The following TSPAN12 variants were observed in gnomAD, a reference collection of about 807,000 sequenced individuals.
TSPAN12 encodes the protein tetraspanin-12.
A neutral mutation model predicts 39.2 loss-of-function variants in TSPAN12; 19 were observed. The ratio of observed to expected loss-of-function variants is 0.49; its 90% confidence interval spans 0.34 to 0.71. TSPAN12 has a LOEUF of 0.71. TSPAN12 is among the 30% of genes least tolerant of loss of function. TSPAN12 has a pLI of 0.01. For missense variants in TSPAN12, 314 were observed against 359.9 expected, an observed-to-expected ratio of 0.87 and a Z score of 1.03; for synonymous variants, 119 against 124.8, an observed-to-expected ratio of 0.95 and a Z score of 0.31.
intron 4 of TSPAN12, among the ~76,000 whole-genome samples, chr7:120,833,897 C>T (rs770929840): frequency 6.6e-6 from 1 of 152,092 alleles, no homozygotes; most frequent in African/African-American, 2.4e-5. Context: ...GGGAAGTAAC[C>T]ATCTAAGGCT....
intron 3 of TSPAN12, 66 bp downstream of exon 3, chr7:120,839,961 A>C: frequency 7.3e-7 from 1 of 1,363,598 alleles, no homozygotes; most frequent in Non-Finnish European, 1.0e-6. Flanking sequence ...CTACCATATA[A>C]ATAGCTGAGG....
intron 2 of TSPAN12, among the ~76,000 whole-genome samples, chr7:120,844,622 C>T (rs1018064219): frequency 6.6e-6 from 1 of 152,234 alleles, no homozygotes; most frequent in Non-Finnish European, 1.5e-5. Context: ...AAATAATCTC[C>T]TTTAACGCCA....
At chr7:120,817,171 C>T (rs114307052) in intron 4 of TSPAN12, among the ~76,000 whole-genome samples, 4,238 of 151,490 alleles carry the variant, frequency 0.028, 190 homozygotes, top group African/African-American at 0.098. Context: ...TCCAGGAATT[C>T]GAGACCAGCC....
In TSPAN12 at chr7:120,790,266, A is replaced by G. The variant is rs1793496713; in HGVS notation, c.613-1369T>C. Among the ~76,000 whole-genome samples, 3 of 152,216 alleles carry G rather than the reference A, an allele frequency of 2.0e-5. No homozygotes were observed. In the South Asian group the frequency reaches 6.2e-4, roughly 32 times the overall value. On this transcript the variant is annotated intron_variant, in intron 7 of 7. Coordinates refer to ENST00000222747, the MANE Select transcript of TSPAN12 (RefSeq NM_012338.4). ...AACGATGCCACTTCAACGGTATAGT[A>G]TAATGGTTAAGATCATGAACTGCTA...
intron 1 of TSPAN12, among the ~76,000 whole-genome samples, chr7:120,857,536 C>G (rs1368874041): frequency 1.3e-5 from 2 of 151,886 alleles, no homozygotes; most frequent in East Asian, 3.9e-4. Flanking sequence ...GAATTAGGGC[C>G]GATGCAGCTG....
intron 7 of TSPAN12, among the ~76,000 whole-genome samples, chr7:120,804,249 A>G (rs184372080): frequency 3.0e-4 from 45 of 152,292 alleles, no homozygotes; most frequent in South Asian, 6.2e-4. Context: ...AGTAAGTTAT[A>G]GTATATTTGA....
intron 7 of TSPAN12, among the ~76,000 whole-genome samples, chr7:120,792,204 G>A (rs1383449884): frequency 2.0e-5 from 3 of 152,182 alleles, no homozygotes; most frequent in South Asian, 2.1e-4. Context: ...GCCACCAGAG[G>A]GCGCAGAATG....
intron 2 of TSPAN12, among the ~76,000 whole-genome samples, chr7:120,841,956 C>G (rs1384052317): frequency 6.6e-6 from 1 of 152,152 alleles, no homozygotes; most frequent in East Asian, 1.9e-4. Context: ...CCCCTAAGTT[C>G]TGAATGTCTT....
chr7:120,801,009 C>T (rs1793759120), intron 7 of TSPAN12, among the ~76,000 whole-genome samples: 3 of 152,088 alleles, frequency 2.0e-5, no homozygotes, highest in Non-Finnish European at 4.4e-5. Flanking sequence ...TGGTCTAGAA[C>T]TCCTGACCAC....
At chr7:120,856,589 T>C in intron 2 of TSPAN12, 109 bp downstream of exon 2, 1 of 1,101,470 alleles carries the variant, frequency 9.1e-7, no homozygotes, top group Non-Finnish European at 1.4e-6. Context: ...AAGGGTGTTA[T>C]CCCATGTAAT....
chr7:120,811,411 G>A (rs1376729082), intron 5 of TSPAN12, among the ~76,000 whole-genome samples: 2 of 152,160 alleles, frequency 1.3e-5, no homozygotes, highest in Non-Finnish European at 1.5e-5. Context: ...GCTCACACCT[G>A]TAATCCCAGC....
intron 7 of TSPAN12, among the ~76,000 whole-genome samples, chr7:120,800,061 T>G (rs979045065): frequency 4.6e-5 from 7 of 151,680 alleles, no homozygotes; most frequent in Non-Finnish European, 1.0e-4. Flanking sequence ...TAACAAAAAG[T>G]GTTGAGAACT....
chr7:120,829,388 A>AC (rs1414877469), intron 4 of TSPAN12, among the ~76,000 whole-genome samples: 1 of 146,976 alleles, frequency 6.8e-6, no homozygotes, highest in Non-Finnish European at 1.5e-5. Flanking sequence ...ACTAACCATG[A>AC]TTTTTTTTTT....
intron 2 of TSPAN12, among the ~76,000 whole-genome samples, chr7:120,845,065 C>G (rs1366324595): frequency 6.6e-6 from 1 of 152,206 alleles, no homozygotes; most frequent in African/African-American, 2.4e-5. Context: ...CACATGGAAG[C>G]TGCCTAGGCT....
intron 2 of TSPAN12, among the ~76,000 whole-genome samples, chr7:120,851,469 T>G (rs748727358): frequency 3.4e-4 from 52 of 152,192 alleles, no homozygotes; most frequent in Non-Finnish European, 4.7e-4. Context: ...GAGTTTATAT[T>G]ATACATTTAG....
chr7:120,806,027 C>A (rs544762402), intron 7 of TSPAN12, among the ~76,000 whole-genome samples: 1 of 152,022 alleles, frequency 6.6e-6, no homozygotes, highest in African/African-American at 2.4e-5. Flanking sequence ...TTGACTTTAC[C>A]GCCACTGAGC....
At chr7:120,819,613 T>A (rs535579950) in intron 4 of TSPAN12, among the ~76,000 whole-genome samples, 2 of 152,292 alleles carry the variant, frequency 1.3e-5, no homozygotes, top group African/African-American at 4.8e-5. Context: ...AAAATTTGAT[T>A]CAAATAAAAT....
intron 5 of TSPAN12, among the ~76,000 whole-genome samples, chr7:120,813,563 G>T (rs1054332287): frequency 6.6e-6 from 1 of 152,128 alleles, no homozygotes; most frequent in South Asian, 2.1e-4. Context: ...TATCTTAGAA[G>T]ATTTACCAAA....
intron 7 of TSPAN12, among the ~76,000 whole-genome samples, chr7:120,801,908 T>C (rs1793779172): frequency 2.0e-5 from 3 of 152,218 alleles, no homozygotes; most frequent in African/African-American, 4.8e-5. Flanking sequence ...AAAATGGATA[T>C]AAAATATTGA....
Sources: gnomAD v4.1 joint callset for allele counts (sites outside exome capture counted in the v4.1 genomes callset) on GRCh38, gnomAD v4.1.1 for gene constraint, MANE v1.5 for transcripts, NCBI Gene and HGNC (gene_info 2026-07-23, HGNC 2026-07-21) for gene names.